MACROD2: variants seen among roughly 807,000 people sequenced by gnomAD.
MACROD2 encodes ADP-ribose glycohydrolase MACROD2.
Under a neutral mutation model 70.4 loss-of-function variants are expected in MACROD2, and 36 were observed. That is an observed-to-expected ratio of 0.51 (90% CI 0.39 to 0.68). The LOEUF (loss-of-function observed/expected upper bound fraction) is 0.68. Among genes scored for constraint, MACROD2 ranks in the 30% least tolerant of loss-of-function variants. The probability of loss-of-function intolerance (pLI) is 0.00; values close to 1 mark genes in which losing one functional copy is unlikely to be tolerated. For missense variants in MACROD2, 496 were observed against 538.4 expected (o/e 0.92, Z 0.78); for synonymous variants, 172 against 178.8 (o/e 0.96, Z 0.30).
At chr20:15,164,021 A>G (rs1467906781) in intron 5 of MACROD2, among the ~76,000 whole-genome samples, 3 of 152,114 alleles carry the variant, frequency 2.0e-5, no homozygotes, top group Admixed American at 1.3e-4. Context: ...AATAAAATAC[A>G]TAGTGTGTCT....
At chr20:14,368,234 A>G (rs1377557292) in intron 3 of MACROD2, among the ~76,000 whole-genome samples, 1 of 152,108 alleles carries the variant, frequency 6.6e-6, no homozygotes, top group Non-Finnish European at 1.5e-5. Context: ...TGTTTCTTGC[A>G]CACTTCATAC....
At position 15,937,498 on chromosome 20, in the gene MACROD2, G is replaced by GC; in HGVS notation, c.864dup (p.Gly289ArgfsTer9). The GC allele has an allele frequency of 6.2e-7, 1 of 1,613,360 alleles. No homozygotes were observed. Among genetic ancestry groups the GC allele is most frequent in the Non-Finnish European group, 8.5e-7 (1 of 1,179,526 alleles). ...TAGATGGTGTCAACACTGTCACTGT[G>GC]CCCGGCCCTGCTTCAGAAGAGGCAG... On this transcript the variant is annotated frameshift_variant, in exon 12 of 18. Coordinates refer to ENST00000684519, the MANE Select transcript of MACROD2 (RefSeq NM_001351661.2). LOFTEE classifies it high-confidence loss of function.
chr20:14,636,463 C>T (rs1984791880), intron 4 of MACROD2: 1 of 152,088 alleles, frequency 6.6e-6, no homozygotes, highest in Admixed American at 6.5e-5. Flanking sequence ...GCTTACACCC[C>T]TGATTGAGGA....
At chr20:15,867,035 G>A (rs924675420) in intron 9 of MACROD2, among the ~76,000 whole-genome samples, 1 of 152,200 alleles carries the variant, frequency 6.6e-6, no homozygotes, top group African/African-American at 2.4e-5. Flanking sequence ...CCAAGGCCAA[G>A]TGGAGGCAAG....
intron 6 of MACROD2, among the ~76,000 whole-genome samples, chr20:15,306,096 T>G (rs1017348539): frequency 6.6e-6 from 1 of 152,150 alleles, no homozygotes; most frequent in African/African-American, 2.4e-5. Flanking sequence ...TTGTTTCCAA[T>G]CCTCTTTCCA....
intron 2 of MACROD2, among the ~76,000 whole-genome samples, chr20:14,055,737 A>G (rs1004606607): frequency 1.8e-5 from 1 of 56,194 alleles, no homozygotes; most frequent in East Asian, 4.7e-4. Flanking sequence ...AGTAGGGATC[A>G]GTACTGTTTT....
chr20:14,512,754 G>A (rs1480668123), intron 4 of MACROD2, among the ~76,000 whole-genome samples: 1 of 151,976 alleles, frequency 6.6e-6, no homozygotes, highest in Non-Finnish European at 1.5e-5. Flanking sequence ...TTATGCAGTC[G>A]CTGGAGGTGA....
chr20:15,344,581 T>A (rs560787857), intron 6 of MACROD2, among the ~76,000 whole-genome samples: 2 of 152,258 alleles, frequency 1.3e-5, no homozygotes, highest in South Asian at 2.1e-4. Flanking sequence ...TTTTTTATGT[T>A]CTCCCAGAGA....
intron 5 of MACROD2, among the ~76,000 whole-genome samples, chr20:15,032,085 G>A (rs2075279615): frequency 6.6e-6 from 1 of 152,214 alleles, no homozygotes; most frequent in Non-Finnish European, 1.5e-5. Flanking sequence ...CAGGTGGCAG[G>A]AGTGCCTGGG....
intron 4 of MACROD2, among the ~76,000 whole-genome samples, chr20:14,517,649 C>T (rs2085117320): frequency 6.6e-6 from 1 of 152,120 alleles, no homozygotes; most frequent in Non-Finnish European, 1.5e-5. Context: ...AACAAACCTG[C>T]ATGTTCTGCA....
intron 3 of MACROD2, among the ~76,000 whole-genome samples, chr20:14,371,986 A>G (rs2083328756): frequency 6.6e-6 from 1 of 152,076 alleles, no homozygotes; most frequent in East Asian, 1.9e-4. Flanking sequence ...CAGCATTCAT[A>G]ATAGTTTCTA....
chr20:15,111,839 G>T (rs1380624295), intron 5 of MACROD2, among the ~76,000 whole-genome samples: 1 of 152,216 alleles, frequency 6.6e-6, no homozygotes, highest in Admixed American at 6.5e-5. Context: ...ACTGGGAGGT[G>T]CCCAGCTCTG....
rs550986098 is a variant in MACROD2 at position 15,962,716 on chromosome 20, A to G, written c.908-4837A>G. Among the ~76,000 whole-genome samples the G allele has an allele frequency of 3.3e-5, 5 of 152,248 alleles. No homozygotes were observed. The South Asian group carries it at 1.0e-3, about 32-fold the overall frequency. ...ACATCAACCTGTCCCTGAATTCCAT[A>G]TCTCTGGGAATGATTGGCCATCTTT... is the stretch of plus-strand genomic sequence containing the variant. On this transcript the variant is annotated intron_variant, in intron 12 of 17. Coordinates refer to ENST00000684519, the MANE Select transcript of MACROD2 (RefSeq NM_001351661.2).
intron 2 of MACROD2, among the ~76,000 whole-genome samples, chr20:14,045,087 C>T (rs543226986): frequency 1.3e-5 from 2 of 152,348 alleles, no homozygotes; most frequent in South Asian, 2.1e-4. Context: ...GTGCGGGGCC[C>T]GAGGAGCCCA....
At chr20:14,615,709 T>C (rs1359589466) in intron 4 of MACROD2, among the ~76,000 whole-genome samples, 1 of 152,092 alleles carries the variant, frequency 6.6e-6, no homozygotes, top group Non-Finnish European at 1.5e-5. Context: ...ATTAGAAAGA[T>C]TAGCCTGGTA....
At chr20:15,103,096 G>T (rs754202308) in intron 5 of MACROD2, among the ~76,000 whole-genome samples, 6 of 152,068 alleles carry the variant, frequency 3.9e-5, no homozygotes, top group Non-Finnish European at 7.4e-5. Flanking sequence ...TGTGAAAAGG[G>T]ATTGTGAAGG....
intron 3 of MACROD2, among the ~76,000 whole-genome samples, chr20:14,142,274 G>C (rs974518767): frequency 2.6e-5 from 4 of 152,134 alleles, no homozygotes; most frequent in Non-Finnish European, 5.9e-5. Flanking sequence ...GAGGTGACTC[G>C]TTTTTGTCAC....
chr20:15,488,407 A>G (rs1254980783), intron 7 of MACROD2, among the ~76,000 whole-genome samples: 3 of 152,188 alleles, frequency 2.0e-5, no homozygotes, highest in Non-Finnish European at 4.4e-5. Context: ...CCGAAGGTGG[A>G]AAGGAGAACA....
intron 4 of MACROD2, among the ~76,000 whole-genome samples, chr20:14,501,082 C>G (rs1159220757): frequency 6.6e-6 from 1 of 151,090 alleles, no homozygotes; most frequent in Non-Finnish European, 1.5e-5. Flanking sequence ...TTTTAACAGG[C>G]AACCTGAGGA....
Sources: allele counts gnomAD v4.1 joint callset (sites outside exome capture counted in the v4.1 genomes callset), GRCh38; gene constraint gnomAD v4.1.1; transcripts MANE v1.5; gene names NCBI Gene and HGNC (gene_info 2026-07-23, HGNC 2026-07-21).